Variants in XRCC6 observed in about 807,000 individuals in gnomAD.
XRCC6 encodes the protein DNA repair protein Ku70.
In XRCC6, 5 loss-of-function variants were observed where a neutral mutation model predicts 65.7. The ratio of observed to expected loss-of-function variants is 0.08; its 90% CI spans 0.04 to 0.16. The LOEUF (loss-of-function observed/expected upper bound fraction) is 0.16, where lower values mean the gene tolerates loss of function less well. Among genes scored for constraint, XRCC6 ranks in the 10% least tolerant of loss-of-function variants. XRCC6 has a pLI of 1.00. For missense variants in XRCC6, 447 were observed against 738.1 expected (o/e 0.61, Z 4.57); for synonymous variants, 270 against 270.6 (o/e 1.00, Z 0.02).
intron 3 of XRCC6, among the ~76,000 whole-genome samples, chr22:41,630,268 C>T (rs1427050813): frequency 1.3e-5 from 2 of 151,792 alleles, no homozygotes; most frequent in African/African-American, 4.8e-5. Flanking sequence ...AGGCGTGAGC[C>T]ATGGCACCCG....
At chr22:41,640,384 T>C (rs1433047414) in intron 6 of XRCC6, among the ~76,000 whole-genome samples, 4 of 151,004 alleles carry the variant, frequency 2.6e-5, no homozygotes, top group Non-Finnish European at 5.9e-5. Context: ...CTCCTGACCT[T>C]GTGATCCACC....
At chr22:41,632,136 G>A (rs1429955016) in intron 3 of XRCC6, among the ~76,000 whole-genome samples, 2 of 147,664 alleles carry the variant, frequency 1.4e-5, no homozygotes, top group Non-Finnish European at 3.0e-5. Context: ...GGGAGAGGGA[G>A]ACCGTGGGGA....
At chr22:41,655,327 G>GTTT (rs200998071) in intron 9 of XRCC6, among the ~76,000 whole-genome samples, 30 of 141,266 alleles carry the variant, frequency 2.1e-4, no homozygotes, top group Non-Finnish European at 4.2e-4. Context: ...ATTCATTTTA[G>GTTT]TTTTTTTTTT....
At chr22:41,623,806 C>T (rs1443385630) in intron 2 of XRCC6, among the ~76,000 whole-genome samples, 3 of 152,138 alleles carry the variant, frequency 2.0e-5, no homozygotes, top group African/African-American at 7.2e-5. Flanking sequence ...CTGCAACCTC[C>T]GCCACCCCAG....
intron 11 of XRCC6, 105 bp from the exon 12 acceptor site, chr22:41,661,226 A>C: frequency 2.2e-6 from 2 of 910,494 alleles, no homozygotes; most frequent in Non-Finnish European, 3.4e-6. Flanking sequence ...CTCCCACCTT[A>C]GCAGTTAGGT....
intron 2 of XRCC6, among the ~76,000 whole-genome samples, chr22:41,622,683 G>C (rs777671376): frequency 2.0e-4 from 30 of 152,138 alleles, no homozygotes; most frequent in Non-Finnish European, 2.6e-4. Context: ...TCTCAAGCCT[G>C]TAATCCCAGC....
intron 8 of XRCC6, 63 bp from the exon 9 acceptor site, chr22:41,653,466 C>A (rs2068019056): frequency 2.0e-6 from 3 of 1,471,854 alleles, no homozygotes; most frequent in Non-Finnish European, 2.8e-6. Context: ...AACTTTAGGG[C>A]TAAAAGAGAA....
intron 7 of XRCC6, among the ~76,000 whole-genome samples, chr22:41,647,590 A>AG (rs962640386): frequency 3.3e-5 from 5 of 151,610 alleles, no homozygotes; most frequent in African/African-American, 1.2e-4. Flanking sequence ...TCAAAAAAAA[A>AG]AAAAAAAGAG....
In XRCC6 at chr22:41,626,351, C is replaced by A. The variant is rs1172771790; in HGVS notation, c.83-1767C>A. ...AGAGATGGGGTTTCACCATGTTGTC[C>A]AGGATGGTCTCAATCTCTTGTCCTC... On this transcript the variant is annotated intron_variant, in intron 2 of 12. Coordinates refer to ENST00000360079, the MANE Select transcript of XRCC6 (RefSeq NM_001469.5). 2.0e-5 allele frequency among the ~76,000 whole-genome samples: 3 copies of A among 152,238 alleles called. No individual in the cohort carries two copies. In the East Asian group the frequency reaches 5.8e-4, roughly 29 times the overall value.
At chr22:41,624,476 G>A (rs1001003558) in intron 2 of XRCC6, among the ~76,000 whole-genome samples, 1 of 151,532 alleles carries the variant, frequency 6.6e-6, no homozygotes, top group African/African-American at 2.4e-5. Flanking sequence ...CACAAGGTCG[G>A]GAGATAGAGA....
intron 4 of XRCC6, 109 bp downstream of exon 4, chr22:41,636,360 C>A: frequency 6.7e-7 from 1 of 1,484,304 alleles, no homozygotes; most frequent in Admixed American, 2.4e-5. Flanking sequence ...TAGGAGTATG[C>A]TTTCCTCCAT....
At chr22:41,658,194 A>G (rs2147115607) in intron 10 of XRCC6, 58 bp from the exon 11 acceptor site, 2 of 1,577,876 alleles carry the variant, frequency 1.3e-6, no homozygotes, top group African/African-American at 1.3e-5. Context: ...GTTTTATTCT[A>G]ATTTTTTCAA....
intron 2 of XRCC6, among the ~76,000 whole-genome samples, chr22:41,623,306 G>C (rs2067631429): frequency 6.6e-6 from 1 of 152,018 alleles, no homozygotes; most frequent in South Asian, 2.1e-4. Flanking sequence ...CAAACTCTTG[G>C]CCTCAAGCGA....
intron 7 of XRCC6, among the ~76,000 whole-genome samples, chr22:41,649,138 AAATATAT>A (rs1217746363): frequency 5.0e-5 from 6 of 119,678 alleles, no homozygotes; most frequent in Non-Finnish European, 8.1e-5. Flanking sequence ...AAAAAAAAAA[AAATATAT>A]ATATATATAT....
chr22:41,658,100 A>T, intron 10 of XRCC6, 152 bp from the exon 11 acceptor site: 1 of 669,218 alleles, frequency 1.5e-6, no homozygotes. Context: ...CTGGGATTAC[A>T]GGCATGGGCT....
intron 2 of XRCC6, 100 bp from the exon 3 acceptor site, chr22:41,628,018 T>C: frequency 1.4e-6 from 1 of 713,602 alleles, no homozygotes; most frequent in Admixed American, 3.3e-5. Flanking sequence ...CTTATAATAA[T>C]TTATTAGGTT....
At chr22:41,634,401 G>A (rs916536171) in intron 3 of XRCC6, among the ~76,000 whole-genome samples, 1 of 151,984 alleles carries the variant, frequency 6.6e-6, no homozygotes, top group Non-Finnish European at 1.5e-5. Context: ...ATGTTGCCCA[G>A]GCTAGTTTCA....
chr22:41,636,643 T>C lies in XRCC6; in HGVS notation c.462T>C (p.Phe154=). ...TGCTGTGGGTCTGTGCCAACCTCTTTAGTGATGTCCAATTCAAGATGAGTC... is the reference window on the plus strand; with the variant it reads ...TGCTGTGGGTCTGTGCCAACCTCTTCAGTGATGTCCAATTCAAGATGAGTC... ...SEVLWVCANL[F]SDVQFKMSHK... The change falls in exon 5 of 13, where the codon TTT becomes TTC. Residue 154 remains phenylalanine (F), a synonymous_variant. Transcript: ENST00000360079. The C allele has an allele frequency of 3.1e-6, 5 of 1,614,084 alleles. No individual in the cohort carries two copies. Among genetic ancestry groups the C allele is most frequent in the Non-Finnish European group, 4.2e-6 (5 of 1,180,006 alleles).
chr22:41,631,776 C>G (rs921544196), intron 3 of XRCC6, among the ~76,000 whole-genome samples: 1 of 151,932 alleles, frequency 6.6e-6, no homozygotes, highest in Non-Finnish European at 1.5e-5. Flanking sequence ...CCAAGGCAGG[C>G]GGCTGGGAGG....
Sources: allele counts gnomAD v4.1 joint callset (sites outside exome capture counted in the v4.1 genomes callset), GRCh38; gene constraint gnomAD v4.1.1; transcripts MANE v1.5; gene names NCBI Gene and HGNC (gene_info 2026-07-23, HGNC 2026-07-21).